Variants in DCDC2C observed in about 807,000 individuals in gnomAD.
DCDC2C encodes the protein doublecortin domain-containing protein 2C.
Under a neutral mutation model 45.0 loss-of-function variants are expected in DCDC2C, and 44 were observed. The observed-to-expected ratio is 0.98, with a 90% CI of 0.77 to 1.26. The LOEUF (loss-of-function observed/expected upper bound fraction) is 1.26. DCDC2C is among the 50% of genes most tolerant of loss of function. The probability of loss-of-function intolerance (pLI) is 0.00; values close to 1 mark genes in which losing one functional copy is unlikely to be tolerated. For synonymous variants in DCDC2C, 187 were observed against 178.8 expected (o/e 1.05, Z -0.37); for missense variants, 447 against 468.9 (o/e 0.95, Z 0.43).
At chr2:3,820,288 G>C (rs979136035) in intron 10 of DCDC2C, among the ~76,000 whole-genome samples, 1 of 152,106 alleles carries the variant, frequency 6.6e-6, no homozygotes, top group Non-Finnish European at 1.5e-5. Context: ...AAAATAAGAC[G>C]CTTAAGTTTT....
At chr2:3,792,414 A>G (rs1670837541) in intron 10 of DCDC2C, among the ~76,000 whole-genome samples, 1 of 152,178 alleles carries the variant, frequency 6.6e-6, no homozygotes, top group Non-Finnish European at 1.5e-5. Flanking sequence ...TGACCACATA[A>G]TGCACAAGCC....
chr2:3,783,428 G>A (rs1670566174), intron 9 of DCDC2C, among the ~76,000 whole-genome samples: 1 of 152,132 alleles, frequency 6.6e-6, no homozygotes, highest in East Asian at 1.9e-4. Context: ...TTCTTCCCCA[G>A]GGAGCATCTC....
chr2:3,779,002 C>A, intron 9 of DCDC2C, 118 bp downstream of exon 9: 2 of 1,018,514 alleles, frequency 2.0e-6, no homozygotes, highest in Non-Finnish European at 2.9e-6. Context: ...AAAACACAAG[C>A]CAGCGCGGAA....
chr2:3,730,712 A>C (rs1297030139), intron 3 of DCDC2C, among the ~76,000 whole-genome samples: 1 of 152,172 alleles, frequency 6.6e-6, no homozygotes, highest in Non-Finnish European at 1.5e-5. Context: ...ATGCCTAATC[A>C]CAAGAAACAC....
intron 9 of DCDC2C, among the ~76,000 whole-genome samples, chr2:3,783,628 A>G (rs1251540323): frequency 1.3e-5 from 2 of 152,264 alleles, no homozygotes; most frequent in South Asian, 2.1e-4. Context: ...CCTTGCACAC[A>G]GGAGTAACTG....
At chr2:3,779,155 C>T (rs1397290958) in intron 9 of DCDC2C, among the ~76,000 whole-genome samples, 1 of 152,218 alleles carries the variant, frequency 6.6e-6, no homozygotes, top group Non-Finnish European at 1.5e-5. Context: ...AAAAACTTTT[C>T]CCCCAGCAAG....
chr2:3,727,813 C>T (rs1030901238), intron 3 of DCDC2C, among the ~76,000 whole-genome samples: 3 of 152,158 alleles, frequency 2.0e-5, no homozygotes, highest in Non-Finnish European at 4.4e-5. Flanking sequence ...GAGGATGTCT[C>T]CCATTGTGGA....
chr2:3,758,285 G>C (rs114949512), intron 6 of DCDC2C, among the ~76,000 whole-genome samples: 30 of 152,286 alleles, frequency 2.0e-4, no homozygotes, highest in Admixed American at 1.4e-3. Context: ...ACTCCTGTGG[G>C]CAGCCATGTT....
intron 9 of DCDC2C, among the ~76,000 whole-genome samples, chr2:3,783,301 A>G (rs1670563122): frequency 1.3e-5 from 2 of 152,164 alleles, no homozygotes. Context: ...CATCCTGTGC[A>G]TGTTCTGGCC....
chr2:3,731,914 C>T (rs910736924), intron 3 of DCDC2C, among the ~76,000 whole-genome samples: 1 of 152,094 alleles, frequency 6.6e-6, no homozygotes, highest in Admixed American at 6.5e-5. Context: ...TGGGATGTTT[C>T]CTGTCAGGAC....
At chr2:3,760,902 T>A (rs1178275053) in intron 6 of DCDC2C, among the ~76,000 whole-genome samples, 1 of 152,198 alleles carries the variant, frequency 6.6e-6, no homozygotes, top group African/African-American at 2.4e-5. Context: ...TGCAGTTTAG[T>A]TATTAGCACA....
At chr2:3,716,311 G>A (rs542423664) in intron 2 of DCDC2C, among the ~76,000 whole-genome samples, 1 of 152,130 alleles carries the variant, frequency 6.6e-6, no homozygotes, top group Non-Finnish European at 1.5e-5. Context: ...GTGAGTGCAG[G>A]ATGCTGGGTG....
chr2:3,725,486 A>AC (rs1558564545), intron 2 of DCDC2C, among the ~76,000 whole-genome samples: 21 of 98,552 alleles, frequency 2.1e-4, no homozygotes, highest in Non-Finnish European at 3.3e-4. Context: ...CCAGAGGAAG[A>AC]CGAGCAGAGA....
At chr2:3,754,023 C>T (rs1669615885) in intron 5 of DCDC2C, among the ~76,000 whole-genome samples, 1 of 152,136 alleles carries the variant, frequency 6.6e-6, no homozygotes, top group Non-Finnish European at 1.5e-5. Context: ...TATCTGCCCC[C>T]TACGTGTTTC....
chr2:3,735,678 C>T (rs906542193), intron 3 of DCDC2C, among the ~76,000 whole-genome samples: 4 of 152,048 alleles, frequency 2.6e-5, no homozygotes, highest in East Asian at 1.9e-4. Context: ...GTGACAAGCC[C>T]GGGGAATTTT....
At chr2:3,709,920 A>G (rs992539311) in intron 2 of DCDC2C, among the ~76,000 whole-genome samples, 1 of 151,962 alleles carries the variant, frequency 6.6e-6, no homozygotes, top group African/African-American at 2.4e-5. Context: ...CAGACGTGAA[A>G]CACTGAGCAG....
chr2:3,825,182 C>T (rs1433694782), intron 10 of DCDC2C, among the ~76,000 whole-genome samples: 4 of 152,142 alleles, frequency 2.6e-5, no homozygotes, highest in African/African-American at 7.2e-5. Context: ...TGTGAGCAAT[C>T]GGTGAAGTCT....
chr2:3,735,427 C>G (rs1199225223), intron 3 of DCDC2C, among the ~76,000 whole-genome samples: 1 of 151,980 alleles, frequency 6.6e-6, no homozygotes, highest in African/African-American at 2.4e-5. Context: ...CCCCACCCCA[C>G]AACAGTCCCT....
At chr2:3,830,637 G>A (rs572699240) in intron 10 of DCDC2C, among the ~76,000 whole-genome samples, 11 of 152,202 alleles carry the variant, frequency 7.2e-5, no homozygotes, top group African/African-American at 1.4e-4. Context: ...CCGTAGTCGC[G>A]ACCCCACTCC....
Sources: allele counts gnomAD v4.1 joint callset (sites outside exome capture counted in the v4.1 genomes callset), GRCh38; gene constraint gnomAD v4.1.1; transcripts MANE v1.5; gene names NCBI Gene and HGNC (gene_info 2026-07-23, HGNC 2026-07-21).